The following FHIT variants were observed in gnomAD, a reference collection of about 807,000 sequenced individuals.
FHIT encodes the protein fragile histidine triad diadenosine triphosphatase, also known as bis(5'-adenosyl)-triphosphatase.
Under a neutral mutation model 17.9 loss-of-function variants are expected in FHIT, and 19 were observed. The observed-to-expected ratio is 1.06, with a 90% confidence interval of 0.74 to 1.56. FHIT has a LOEUF of 1.56. Ranked by LOEUF, FHIT falls within the 40% of genes most tolerant of loss-of-function variation. The pLI is 0.00. For missense variants in FHIT, 248 were observed against 189.2 expected, an observed-to-expected ratio of 1.31 and a Z score of -1.82; for synonymous variants, 81 against 69.7, an observed-to-expected ratio of 1.16 and a Z score of -0.81.
At chr3:61,208,409 T>C (rs1023857117) in intron 1 of FHIT, among the ~76,000 whole-genome samples, 4 of 152,058 alleles carry the variant, frequency 2.6e-5, no homozygotes, top group Admixed American at 2.0e-4. Flanking sequence ...ATGTTGACAG[T>C]GGGGTATTAA....
intron 4 of FHIT, among the ~76,000 whole-genome samples, chr3:60,566,348 C>A (rs188425900): frequency 4.5e-4 from 69 of 152,020 alleles, no homozygotes; most frequent in African/African-American, 6.3e-4. Context: ...ACAGAACCAA[C>A]GACAAAAACC....
At chr3:60,422,366 G>A (rs1440794277) in intron 5 of FHIT, among the ~76,000 whole-genome samples, 4 of 152,084 alleles carry the variant, frequency 2.6e-5, no homozygotes, top group Admixed American at 1.3e-4. Context: ...CAAGCAGCAT[G>A]GACACAAAGT....
chr3:60,181,575 T>A (rs1219625558), intron 5 of FHIT, among the ~76,000 whole-genome samples: 2 of 152,150 alleles, frequency 1.3e-5, no homozygotes, highest in Non-Finnish European at 1.5e-5. Context: ...CACCCCCTAT[T>A]ACCACTGGCA....
chr3:59,752,028 A>G, intron 9 of FHIT, 193 bp downstream of exon 9: 1 of 458,670 alleles, frequency 2.2e-6, no homozygotes, highest in East Asian at 3.5e-5. Flanking sequence ...GAGGCAGGAG[A>G]GTTGGAAGAG....
At chr3:60,935,168 G>GA (rs1553772773) in intron 3 of FHIT, among the ~76,000 whole-genome samples, 2 of 152,184 alleles carry the variant, frequency 1.3e-5, no homozygotes, top group African/African-American at 4.8e-5. Context: ...TTGGAGTAGT[G>GA]AAAGAACCAT....
intron 4 of FHIT, among the ~76,000 whole-genome samples, chr3:60,631,110 T>C (rs2039430553): frequency 6.6e-6 from 1 of 152,054 alleles, no homozygotes; most frequent in African/African-American, 2.4e-5. Flanking sequence ...GATAAAAGTC[T>C]CTGTCAAGTT....
intron 5 of FHIT, among the ~76,000 whole-genome samples, chr3:60,483,165 T>C (rs1006064805): frequency 4.6e-5 from 7 of 152,006 alleles, no homozygotes; most frequent in African/African-American, 1.7e-4. Context: ...AATAATAAGT[T>C]CTGAAATTGA....
chr3:60,450,939 G>C (rs1230538477), intron 5 of FHIT, among the ~76,000 whole-genome samples: 1 of 152,120 alleles, frequency 6.6e-6, no homozygotes, highest in Non-Finnish European at 1.5e-5. Flanking sequence ...ATTTAAGTGA[G>C]AGATATAAGC....
intron 8 of FHIT, among the ~76,000 whole-genome samples, chr3:59,851,129 C>A (rs1370298348): frequency 6.6e-6 from 1 of 152,152 alleles, no homozygotes; most frequent in Non-Finnish European, 1.5e-5. Flanking sequence ...CAAGGTCAAT[C>A]TGGCTGAGTT....
chr3:60,418,426 A>ATATG lies in FHIT; in HGVS notation c.103+118433_103+118434insCATA, dbSNP rs1559897379. On this transcript the variant is annotated intron_variant, in intron 5 of 9. Transcript: ENST00000492590. ...TATATATATATATATATATATATAT[A>ATATG]CGTGTATACACACACACCACAGACG... Among the ~76,000 whole-genome samples, 60 of 15,182 alleles carry ATATG rather than the reference A, an allele frequency of 4.0e-3. 5 individuals are homozygous for ATATG. The highest frequency in any genetic ancestry group is 8.8e-3 in the East Asian group (2 of 226). 10.0% of individuals were successfully genotyped at this position (15,182 alleles called of 152,430 possible). A position where few individuals can be genotyped will look rare whatever the true frequency, so the allele number is the denominator to read the frequency against.
chr3:59,757,791 C>T (rs774273031), intron 8 of FHIT, among the ~76,000 whole-genome samples: 8 of 152,072 alleles, frequency 5.3e-5, no homozygotes, highest in South Asian at 2.1e-4. Flanking sequence ...TATGGGTTGA[C>T]GGTTCTGTTT....
intron 8 of FHIT, among the ~76,000 whole-genome samples, chr3:59,818,326 G>A (rs1358879153): frequency 1.3e-5 from 2 of 152,074 alleles, no homozygotes; most frequent in African/African-American, 4.8e-5. Context: ...GCGTGTGCAA[G>A]GTTTGGGAAT....
At chr3:60,108,677 T>A (rs565063317) in intron 5 of FHIT, among the ~76,000 whole-genome samples, 3,230 of 152,010 alleles carry the variant, frequency 0.021, 46 homozygotes, top group South Asian at 0.084. Flanking sequence ...TTTTTTTTTT[T>A]TTTGAGACAG....
chr3:60,573,469 T>C (rs1553656453), intron 4 of FHIT, among the ~76,000 whole-genome samples: 3 of 152,208 alleles, frequency 2.0e-5, no homozygotes, highest in Non-Finnish European at 4.4e-5. Flanking sequence ...TCTCAAGTGC[T>C]GTGAAAATCT....
chr3:60,695,573 GATAA>G (rs1200546649), intron 4 of FHIT, among the ~76,000 whole-genome samples: 2 of 152,158 alleles, frequency 1.3e-5, no homozygotes, highest in African/African-American at 4.8e-5. Context: ...TAAACTGGGG[GATAA>G]TACTGTTACC....
intron 5 of FHIT, among the ~76,000 whole-genome samples, chr3:60,426,828 T>C (rs9877074): frequency 0.93 from 141,844 of 152,106 alleles, 66,491 homozygotes; most frequent in South Asian, 0.98. Context: ...TACTAGACAG[T>C]GCTCTCTACG....
chr3:60,323,805 T>A (rs1709541894), intron 5 of FHIT, among the ~76,000 whole-genome samples: 1 of 152,152 alleles, frequency 6.6e-6, no homozygotes, highest in African/African-American at 2.4e-5. Context: ...AAAAGGATAT[T>A]AAACTGTAGC....
intron 2 of FHIT, among the ~76,000 whole-genome samples, chr3:61,144,771 T>A (rs981720333): frequency 6.6e-6 from 1 of 152,214 alleles, no homozygotes; most frequent in Non-Finnish European, 1.5e-5. Flanking sequence ...TGGTTTTGGT[T>A]TGATCTAATT....
intron 5 of FHIT, among the ~76,000 whole-genome samples, chr3:60,134,560 T>C (rs961496162): frequency 1.3e-5 from 2 of 152,198 alleles, no homozygotes; most frequent in Non-Finnish European, 2.9e-5. Context: ...ACTATGTTCA[T>C]GAACACACAT....
Sources: allele counts gnomAD v4.1 joint callset (sites outside exome capture counted in the v4.1 genomes callset), GRCh38; gene constraint gnomAD v4.1.1; transcripts MANE v1.5; gene names NCBI Gene and HGNC (gene_info 2026-07-23, HGNC 2026-07-21).